Variants in HADHB observed in about 807,000 individuals in gnomAD.
HADHB encodes trifunctional enzyme subunit beta, mitochondrial.
In HADHB, 50 loss-of-function variants were observed where a neutral mutation model predicts 61.9. The ratio of observed to expected loss-of-function variants is 0.81; its 90% CI spans 0.64 to 1.02. HADHB has a LOEUF of 1.02. Among genes scored for constraint, HADHB ranks in the 50% least tolerant of loss-of-function variants. The probability of loss-of-function intolerance (pLI) is 0.00; values close to 1 mark genes in which losing one functional copy is unlikely to be tolerated. For missense variants in HADHB, 504 were observed against 586.5 expected (o/e 0.86, Z 1.45); for synonymous variants, 191 against 201.6 (o/e 0.95, Z 0.45).
intron 3 of HADHB, among the ~76,000 whole-genome samples, chr2:26,259,031 G>T (rs1395801106): frequency 6.6e-6 from 1 of 152,130 alleles, no homozygotes; most frequent in African/African-American, 2.4e-5. Flanking sequence ...TCACCATGAT[G>T]AAACCCTAGC....
At chr2:26,279,578 C>T (rs1030749302) in intron 9 of HADHB, among the ~76,000 whole-genome samples, 10 of 151,310 alleles carry the variant, frequency 6.6e-5, no homozygotes, top group Admixed American at 3.3e-4. Context: ...CGCTTGAGGC[C>T]AGGAGTTCAA....
intron 8 of HADHB, 57 bp downstream of exon 8, chr2:26,278,858 G>A: frequency 7.2e-7 from 1 of 1,380,424 alleles, no homozygotes; most frequent in South Asian, 1.2e-5. Flanking sequence ...AGGTATGGCA[G>A]TGTGGACTCT....
At chr2:26,276,371 T>C (rs919206473) in intron 6 of HADHB, among the ~76,000 whole-genome samples, 1 of 152,246 alleles carries the variant, frequency 6.6e-6, no homozygotes, top group African/African-American at 2.4e-5. Context: ...ACAGACTCAC[T>C]TGTAACTCAG....
intron 7 of HADHB, among the ~76,000 whole-genome samples, chr2:26,277,487 C>G (rs1672578698): frequency 6.6e-6 from 1 of 152,266 alleles, no homozygotes; most frequent in East Asian, 1.9e-4. Context: ...CCTTCTACCT[C>G]AGCCTCCAAA....
intron 6 of HADHB, 56 bp from the exon 7 acceptor site, chr2:26,277,017 A>G: frequency 1.2e-6 from 1 of 866,980 alleles, no homozygotes; most frequent in Non-Finnish European, 2.0e-6. Context: ...TCAAAGCATC[A>G]TTTACATGAT....
intron 1 of HADHB, among the ~76,000 whole-genome samples, chr2:26,245,945 C>T (rs779054069): frequency 1.4e-4 from 22 of 152,162 alleles, no homozygotes; most frequent in Non-Finnish European, 2.6e-4. Context: ...TCTCACTACT[C>T]GCCAGACTGA....
intron 1 of HADHB, among the ~76,000 whole-genome samples, chr2:26,248,010 A>G (rs984721570): frequency 6.6e-6 from 1 of 152,196 alleles, no homozygotes; most frequent in African/African-American, 2.4e-5. Context: ...GCCTTTCTTT[A>G]TCCTTCCATG....
At chr2:26,287,231 C>T (rs142007918) in intron 15 of HADHB, among the ~76,000 whole-genome samples, 1 of 152,130 alleles carries the variant, frequency 6.6e-6, no homozygotes, top group Non-Finnish European at 1.5e-5. Context: ...ATAAATCTTA[C>T]GTTTAAAAGC....
intron 3 of HADHB, 120 bp downstream of exon 3, chr2:26,254,594 A>G (rs981265891): frequency 8.3e-6 from 6 of 719,848 alleles, no homozygotes; most frequent in African/African-American, 7.1e-5. Context: ...TTATGAGCAC[A>G]TGAACATCTC....
At chr2:26,273,192 T>C (rs1233393760) in intron 5 of HADHB, among the ~76,000 whole-genome samples, 1 of 152,160 alleles carries the variant, frequency 6.6e-6, no homozygotes, top group Non-Finnish European at 1.5e-5. Flanking sequence ...AATATATGTA[T>C]TATTTCAATC....
intron 9 of HADHB, 34 bp from the exon 10 acceptor site, chr2:26,279,960 T>C: frequency 6.5e-7 from 1 of 1,527,366 alleles, no homozygotes; most frequent in Non-Finnish European, 9.1e-7. Flanking sequence ...GGCTTGTGGT[T>C]CCATAGAGTT....
chr2:26,271,963 A>G (rs568006609), intron 5 of HADHB, among the ~76,000 whole-genome samples: 10 of 152,296 alleles, frequency 6.6e-5, no homozygotes, highest in Non-Finnish European at 1.3e-4. Flanking sequence ...ACTCTGTCCA[A>G]GGCTGGAGTG....
rs553808237 is a variant in HADHB, at chr2:26,282,954, TG to T, written c.1013+31del. The T allele has an allele frequency of 4.4e-3, 7,054 of 1,602,040 alleles. 21 individuals are homozygous for T. The highest frequency in any genetic ancestry group is 5.6e-3 in the Non-Finnish European group (6,528 of 1,168,928). ...AGTAAATGTTCAAACAAATCATCTC[TG>T]ATTTCTTTATTTTATTACCAAAGCT... is the stretch of plus-strand genomic sequence containing the variant. On this transcript the variant is annotated intron_variant, in intron 11 of 15. Transcript: ENST00000317799.
At chr2:26,285,265 T>C in intron 14 of HADHB, 142 bp from the exon 15 acceptor site, 1 of 717,728 alleles carries the variant, frequency 1.4e-6, no homozygotes, top group Non-Finnish European at 2.4e-6. Context: ...CTAGACTTAC[T>C]TTCTTTTGCA....
Position 26,285,581 on chromosome 2 carries a change from A to G in HADHB, c.1389+10A>G. The G allele has an allele frequency of 6.3e-7, 1 of 1,599,830 alleles. No homozygotes were observed. Among genetic ancestry groups the G allele is most frequent in the Non-Finnish European group, 8.5e-7 (1 of 1,169,628 alleles). ...TGCAGCTGGAGGGCAGGTACGTTAC[A>G]GTGGTGTCATAGGACCCTCCAGAGA... is the stretch of plus-strand genomic sequence containing the variant. On this transcript the variant is annotated intron_variant, in intron 15 of 15. Coordinates refer to ENST00000317799, the MANE Select transcript of HADHB (RefSeq NM_000183.3).
At chr2:26,255,075 T>C (rs1279003804) in intron 3 of HADHB, 1 of 156,376 alleles carries the variant, frequency 6.4e-6, no homozygotes, top group Non-Finnish European at 1.4e-5. Context: ...TGTAGGTTTT[T>C]ATCTTCACTG....
chr2:26,280,371 GCTTATGGT>G (rs1318699020), intron 10 of HADHB, among the ~76,000 whole-genome samples: 1 of 152,034 alleles, frequency 6.6e-6, no homozygotes, highest in Non-Finnish European at 1.5e-5. Flanking sequence ...AACTTCTATT[GCTTATGGT>G]GGGCCCTGGA....
chr2:26,257,968 G>A (rs552029159), intron 3 of HADHB, among the ~76,000 whole-genome samples: 3 of 152,010 alleles, frequency 2.0e-5, no homozygotes, highest in South Asian at 4.2e-4. Flanking sequence ...GCAGTGAGCC[G>A]AGATCGTGCC....
chr2:26,263,313 A>G, intron 3 of HADHB, 67 bp from the exon 4 acceptor site: 1 of 1,028,166 alleles, frequency 9.7e-7, no homozygotes, highest in South Asian at 1.4e-5. Context: ...AAAAAAAAAA[A>G]AAGTAAAAGT....
Sources: allele counts gnomAD v4.1 joint callset (sites outside exome capture counted in the v4.1 genomes callset), GRCh38; gene constraint gnomAD v4.1.1; transcripts MANE v1.5; gene names NCBI Gene and HGNC (gene_info 2026-07-23, HGNC 2026-07-21).